Variants in PTGES3L observed in about 807,000 individuals in gnomAD.
PTGES3L encodes the protein prostaglandin E synthase 3 like, also known as putative protein PTGES3L.
In PTGES3L, 17 loss-of-function variants were observed where a neutral mutation model predicts 25.0. The ratio of observed to expected loss-of-function variants is 0.68; its 90% CI spans 0.47 to 1.02. The LOEUF is 1.02. PTGES3L is among the 50% of genes least tolerant of loss of function. The pLI, the probability that PTGES3L is intolerant of heterozygous loss-of-function variation, is 0.00. For missense variants in PTGES3L, 202 were observed against 197.5 expected (o/e 1.02, Z -0.14); for synonymous variants, 59 against 65.7 (o/e 0.90, Z 0.50).
chr17:42,975,578 T>A (rs914210276), intron 4 of PTGES3L, among the ~76,000 whole-genome samples: 1 of 152,122 alleles, frequency 6.6e-6, no homozygotes, highest in African/African-American at 2.4e-5. Flanking sequence ...AGGGAGGTAA[T>A]GAAAAGGAGC....
chr17:42,979,442 C>T lies in PTGES3L; in HGVS notation c.125G>A (p.Cys42Tyr), dbSNP rs1651113089. 5 of 1,614,042 alleles carry T rather than the reference C, an allele frequency of 3.1e-6. No homozygotes were observed. The highest frequency in any genetic ancestry group is 4.2e-6 in the Non-Finnish European group (5 of 1,180,038). ...CAACTCCACTCCATCGGCATTCTTG[C>T]AGCTGAGGAGACAATGAAGCTGAGG... ...LIEDHRIVFS[C>Y]KNADGVELYN... Residue 42 changes from cysteine (C) to tyrosine (Y), a missense_variant and splice_region_variant, in exon 3 of 7, where the codon TGC (cysteine) becomes TAC (tyrosine). Physicochemically the swap from Cys to Tyr is radical, Grantham distance 194. Coordinates refer to ENST00000591916, the MANE Select transcript of PTGES3L (RefSeq NM_001261430.2).
Position 42,978,010 on chromosome 17 carries a change from G to A in PTGES3L, c.288+1160C>T, listed in dbSNP as rs1018504956. On this transcript the variant is annotated intron_variant, in intron 4 of 6. Transcript: ENST00000591916. ...GGAGAATCGCTTGAATCTGGGAGGC[G>A]GAGGTGTAGTGAGCTGCGATCATGC... is the stretch of plus-strand genomic sequence containing the variant. Among the ~76,000 whole-genome samples the A allele has an allele frequency of 1.3e-4, 19 of 148,054 alleles. No homozygotes were observed. The South Asian group carries it at 2.6e-3, about 20-fold the overall frequency.
intron 5 of PTGES3L, among the ~76,000 whole-genome samples, chr17:42,970,676 G>GCACACACACACACACACACA (rs57542042): frequency 9.0e-5 from 13 of 144,192 alleles, no homozygotes; most frequent in African/African-American, 3.4e-4. Context: ...CTTAACACGC[G>GCACACACACACACACACACA]CACACACACA....
chr17:42,978,077 CAAAAAAAAAAAAA>C (rs368420097), intron 4 of PTGES3L, among the ~76,000 whole-genome samples: 1 of 47,402 alleles, frequency 2.1e-5, no homozygotes, highest in African/African-American at 1.0e-4. Flanking sequence ...AACTCCGAAT[CAAAAAAAAAAAAA>C]AAAAAAAAAA....
At chr17:42,978,184 A>G (rs2049998110) in intron 4 of PTGES3L, among the ~76,000 whole-genome samples, 1 of 151,728 alleles carries the variant, frequency 6.6e-6, no homozygotes, top group Non-Finnish European at 1.5e-5. Context: ...AGGCGGGTAG[A>G]CCACCTGAGG....
At position 42,979,238 on chromosome 17, in the gene PTGES3L, T is replaced by C; in HGVS notation, c.220A>G (p.Ile74Val). ...TTCCATTTTCTCACAAAACAAGTAA[T>C]AGAGCGGGAAGAGCGCTTATCCTGG... is the stretch of plus-strand genomic sequence containing the variant. ...DSQDKRSSRSITCFVRKWKEK... is the reference protein window; with the variant it reads ...DSQDKRSSRSVTCFVRKWKEK... The change falls in exon 4 of 7, where the codon ATT becomes GTT. Residue 74 changes from isoleucine (I) to valine (V), a missense_variant. By Grantham distance (29) the Ile-to-Val change is conservative. Coordinates refer to ENST00000591916, the MANE Select transcript of PTGES3L (RefSeq NM_001261430.2). The C allele has an allele frequency of 1.2e-6, 2 of 1,614,032 alleles. No individual in the cohort carries two copies. The highest frequency in any genetic ancestry group is 1.7e-6 in the Non-Finnish European group (2 of 1,179,994).
intron 4 of PTGES3L, among the ~76,000 whole-genome samples, chr17:42,975,663 T>C (rs1362078180): frequency 6.6e-6 from 1 of 151,746 alleles, no homozygotes; most frequent in Admixed American, 6.6e-5. Context: ...TGGGGCTAGA[T>C]TCTCTCATTT....
chr17:42,980,078 T>C lies in PTGES3L; in HGVS notation c.-25A>G. 6.4e-7 allele frequency: 1 copy of C among 1,551,398 alleles called. No individual in the cohort carries two copies. Among genetic ancestry groups the C allele is most frequent in the Non-Finnish European group, 8.7e-7 (1 of 1,146,896 alleles). ...TTGCGGCTCCCGCTCCAGGGTGGCA[T>C]TTAGAGTTCCAGGCAGGGGCCGCTA... On this transcript the variant is annotated 5_prime_UTR_variant, in exon 1 of 7. The change abolishes an upstream ATG in the 5' untranslated region. Coordinates refer to ENST00000591916, the MANE Select transcript of PTGES3L (RefSeq NM_001261430.2).
intron 4 of PTGES3L, among the ~76,000 whole-genome samples, chr17:42,974,622 A>G (rs181494285): frequency 6.6e-6 from 1 of 151,962 alleles, no homozygotes; most frequent in Admixed American, 6.6e-5. Flanking sequence ...AAAATACAGA[A>G]ATTAGCTGGG....
intron 4 of PTGES3L, among the ~76,000 whole-genome samples, chr17:42,974,007 AAAAAATAAAAAT>A (rs915195053): frequency 6.7e-6 from 1 of 149,686 alleles, no homozygotes; most frequent in African/African-American, 2.4e-5. Context: ...ATAAATTAAA[AAAAAATAAAAAT>A]AAAAATAAAA....
chr17:42,977,789 T>C (rs1371066571), intron 4 of PTGES3L, among the ~76,000 whole-genome samples: 2 of 151,872 alleles, frequency 1.3e-5, no homozygotes, highest in Non-Finnish European at 2.9e-5. Context: ...AAAACAAGAA[T>C]TGGCAGAGGC....
intron 4 of PTGES3L, among the ~76,000 whole-genome samples, chr17:42,978,100 A>AAAAC (rs377110391): frequency 2.7e-4 from 39 of 142,434 alleles, no homozygotes; most frequent in Non-Finnish European, 4.5e-4. Flanking sequence ...AAAAAAAAAA[A>AAAAC]CAGAAAGAAA....
Position 42,979,609 on chromosome 17 carries a change from A to C in PTGES3L, c.63T>G (p.Phe21Leu), listed in dbSNP as rs138115862. 491 of 1,614,052 alleles carry C rather than the reference A, an allele frequency of 3.0e-4. 3 individuals are homozygous for C. The highest frequency in any genetic ancestry group is 5.2e-5 in the Non-Finnish European group (61 of 1,180,036). ...YDRPRYVFME[F>L]CVEDSTDVHV... ...GGACATCGGTGCTGTCCTCAACACA[A>C]AACTCCATGAACACATACCTGGGCC... is the stretch of plus-strand genomic sequence containing the variant. The change falls in exon 2 of 7, where the codon TTT becomes TTG. Residue 21 changes from phenylalanine (F) to leucine (L), a missense_variant. Coordinates refer to ENST00000591916, the MANE Select transcript of PTGES3L (RefSeq NM_001261430.2).
Position 42,979,568 on chromosome 17 carries a change from T to A in PTGES3L, c.104A>T (p.Asp35Val). Residue 35 changes from aspartate to valine, a missense_variant, in exon 2 of 7, where the codon GAT (aspartate) becomes GTT (valine). Coordinates refer to ENST00000591916, the MANE Select transcript of PTGES3L (RefSeq NM_001261430.2). ...DSTDVHVLIEDHRIVFSCKNA... is the reference protein window; with the variant it reads ...DSTDVHVLIEVHRIVFSCKNA... ...CCACTACCTGAACACAATGCGGTGA[T>A]CCTCAATAAGCACGTGGACATCGGT... 6.2e-7 allele frequency: 1 copy of A among 1,614,102 alleles called. No individual in the cohort carries two copies.
intron 4 of PTGES3L, among the ~76,000 whole-genome samples, chr17:42,974,772 CAAAA>C (rs35782715): frequency 7.5e-5 from 9 of 120,116 alleles, no homozygotes; most frequent in Non-Finnish European, 5.3e-5. Context: ...GACTCTGTCT[CAAAA>C]AAAAAAAAAA....
chr17:42,979,549 C>T lies in PTGES3L; in HGVS notation c.122+1G>A. The T allele has an allele frequency of 6.2e-7, 1 of 1,614,172 alleles. No individual in the cohort carries two copies. The highest frequency in any genetic ancestry group is 1.1e-5 in the South Asian group (1 of 91,084). Reference sequence around the variant, plus strand: ...AGGCCCTCGGACGGCAGGGCCACTACCTGAACACAATGCGGTGATCCTCAA... The same window carrying T: ...AGGCCCTCGGACGGCAGGGCCACTATCTGAACACAATGCGGTGATCCTCAA... On this transcript the variant is annotated splice_donor_variant, in intron 2 of 6. Transcript: ENST00000591916. LOFTEE classifies it high-confidence loss of function.
At chr17:42,974,121 G>A (rs966540080) in intron 4 of PTGES3L, among the ~76,000 whole-genome samples, 5 of 152,118 alleles carry the variant, frequency 3.3e-5, no homozygotes, top group South Asian at 2.1e-4. Flanking sequence ...AGCACTCTGC[G>A]GGGCCAGGGT....
At chr17:42,976,025 C>T (rs942068138) in intron 4 of PTGES3L, among the ~76,000 whole-genome samples, 4 of 151,782 alleles carry the variant, frequency 2.6e-5, no homozygotes, top group Non-Finnish European at 4.4e-5. Flanking sequence ...CTCTATTGCA[C>T]AGGCAGGAGT....
rs867381896 is a variant in PTGES3L, at chr17:42,979,406, A to G, written c.161T>C (p.Ile54Thr). The change falls in exon 3 of 7, where the codon ATT becomes ACT. Residue 54 changes from isoleucine (I) to threonine (T), a missense_variant. By Grantham distance (89) the Ile-to-Thr change is moderately conservative. Coordinates refer to ENST00000591916, the MANE Select transcript of PTGES3L (RefSeq NM_001261430.2). ...NADGVELYNE[I>T]EFYAKVNSKD... is the part of the protein sequence containing the mutation. ...GGAGTTCACTTTGGCATAGAACTCAATCTCATTGTACAACTCCACTCCATC... is the reference window on the plus strand; with the variant it reads ...GGAGTTCACTTTGGCATAGAACTCAGTCTCATTGTACAACTCCACTCCATC... 5.0e-6 allele frequency: 8 copies of G among 1,614,192 alleles called. No homozygotes were observed. Among genetic ancestry groups the G allele is most frequent in the East Asian group, 2.2e-5 (1 of 44,888 alleles).
Sources: allele counts gnomAD v4.1 joint callset (sites outside exome capture counted in the v4.1 genomes callset), GRCh38; gene constraint gnomAD v4.1.1; transcripts MANE v1.5; gene names NCBI Gene and HGNC (gene_info 2026-07-23, HGNC 2026-07-21).